Variants in PKD1L3 observed in about 807,000 individuals in gnomAD.
PKD1L3 encodes the protein polycystin-1-like protein 3.
A neutral mutation model predicts 184.1 loss-of-function variants in PKD1L3; 239 were observed. That is an observed-to-expected ratio of 1.30 (90% confidence interval 1.17 to 1.45). The LOEUF (loss-of-function observed/expected upper bound fraction) is 1.45. Among genes scored for constraint, PKD1L3 ranks in the 40% most tolerant of loss-of-function variants. The probability of loss-of-function intolerance (pLI) is 0.00; values close to 1 mark genes in which losing one functional copy is unlikely to be tolerated. For missense variants in PKD1L3, 2,660 were observed against 2,067.2 expected, an observed-to-expected ratio of 1.29 and a Z score of -5.56; for synonymous variants, 996 against 778.8, an observed-to-expected ratio of 1.28 and a Z score of -4.64.
At chr16:71,950,739 T>TC (rs1296332065) in intron 19 of PKD1L3, among the ~76,000 whole-genome samples, 1 of 148,384 alleles carries the variant, frequency 6.7e-6, no homozygotes, top group African/African-American at 2.5e-5. Flanking sequence ...ATTTCTCTCT[T>TC]TTTTTTTTTT....
intron 3 of PKD1L3, among the ~76,000 whole-genome samples, chr16:71,991,472 T>C (rs1395283038): frequency 5.9e-5 from 9 of 152,148 alleles, no homozygotes; most frequent in African/African-American, 2.2e-4. Flanking sequence ...AAAAATACTG[T>C]AGAAAAATTA....
At chr16:71,972,243 AC>A (rs2039741984) in intron 12 of PKD1L3, among the ~76,000 whole-genome samples, 1 of 150,902 alleles carries the variant, frequency 6.6e-6, no homozygotes, top group Admixed American at 6.6e-5. Flanking sequence ...ACAAAAAAAA[AC>A]AATAATTAGC....
At chr16:71,933,774 G>A (rs1344882139) in intron 27 of PKD1L3, 141 bp downstream of exon 27, 2 of 912,900 alleles carry the variant, frequency 2.2e-6, no homozygotes, top group Non-Finnish European at 3.3e-6. Context: ...AGTCATACCA[G>A]TTAAGTGTGG....
At chr16:71,999,662 A>G (rs1185097019) in intron 1 of PKD1L3, 22 bp downstream of exon 1, 4 of 1,472,408 alleles carry the variant, frequency 2.7e-6, no homozygotes, top group Non-Finnish European at 3.6e-6. Flanking sequence ...TCCTTCATAA[A>G]CACTGAACCC....
rs1449476289 is a variant in PKD1L3, at chr16:71,980,125, T to C, written c.1153A>G (p.Ile385Val). 1.9e-6 allele frequency: 3 copies of C among 1,551,606 alleles called. No homozygotes were observed. The highest frequency in any genetic ancestry group is 2.6e-6 in the Non-Finnish European group (3 of 1,146,870). ...AACTCCACCAAGGACATTTCCAGGA[T>C]GTCTTCTACCTGCATGGAAAGGAAA... ...SKRHTEPVED[I>V]LEMSLVEFGN... Residue 385 changes from isoleucine to valine, a missense_variant, in exon 8 of 30, where the codon ATC (isoleucine) becomes GTC (valine). Transcript: ENST00000620267.
intron 13 of PKD1L3, among the ~76,000 whole-genome samples, chr16:71,969,489 T>C (rs1226047710): frequency 1.3e-5 from 2 of 150,238 alleles, no homozygotes; most frequent in Non-Finnish European, 3.0e-5. Flanking sequence ...TTTTTTTTTT[T>C]TTAGTAGAGA....
rs2143799418 is a variant in PKD1L3 at position 71,986,303 on chromosome 16, G to T, written c.752C>A (p.Thr251Lys). 6.4e-7 allele frequency: 1 copy of T among 1,552,192 alleles called. No homozygotes were observed. Among genetic ancestry groups the T allele is most frequent in the African/African-American group, 1.4e-5 (1 of 73,156 alleles). The stretch of plus-strand genomic sequence containing the variant: ...ACCTTCTTCCTTTGGGCTTGAAGTT[G>T]TTTCTGCCAGAGATTGCCCAGCATG... ...VTHAGQSLAE[T>K]TSSPKEEGHP... The change falls in exon 5 of 30, where the codon ACA becomes AAA. Residue 251 changes from threonine (T) to lysine (K), a missense_variant. Thr to Lys is a moderately conservative substitution (Grantham distance 78). Transcript: ENST00000620267.
At position 71,977,466 on chromosome 16, in the gene PKD1L3, A is replaced by C; in HGVS notation, c.1529T>G (p.Ile510Ser). 3 of 1,540,124 alleles carry C rather than the reference A, an allele frequency of 1.9e-6. No individual in the cohort carries two copies. The highest frequency in any genetic ancestry group is 2.4e-5 in the East Asian group (1 of 40,852). ...CAAGCTAACATTTCTCCAGAGCATG[A>C]TCTAGAATAAGAGACAGTTAATCAT... is the stretch of plus-strand genomic sequence containing the variant. ...QVHDLMEDIE[I>S]MLWRNVSLET... The change falls in exon 11 of 30, where the codon ATC becomes AGC. Residue 510 changes from isoleucine to serine, a missense_variant and splice_region_variant. Coordinates refer to ENST00000620267, the MANE Select transcript of PKD1L3 (RefSeq NM_181536.2).
chr16:71,942,452 G>T, intron 24 of PKD1L3, 108 bp downstream of exon 24: 1 of 941,950 alleles, frequency 1.1e-6, no homozygotes, highest in Non-Finnish European at 1.6e-6. Flanking sequence ...TACCTCTCTT[G>T]TACTCTTCCA....
At chr16:71,972,856 G>C (rs373446232) in intron 12 of PKD1L3, among the ~76,000 whole-genome samples, 6 of 152,138 alleles carry the variant, frequency 3.9e-5, no homozygotes, top group Non-Finnish European at 7.3e-5. Flanking sequence ...AAATATAATA[G>C]TGCTGGTTTA....
chr16:71,966,639 T>C (rs967954956), intron 15 of PKD1L3, among the ~76,000 whole-genome samples: 2 of 151,952 alleles, frequency 1.3e-5, no homozygotes, highest in East Asian at 3.9e-4. Flanking sequence ...CCTATGTAGC[T>C]CAGGCTGTTC....
intron 5 of PKD1L3, 39 bp downstream of exon 5, chr16:71,986,182 G>A (rs2040354488): frequency 1.3e-6 from 2 of 1,546,220 alleles, no homozygotes; most frequent in African/African-American, 2.7e-5. Context: ...CTTTTTGGGG[G>A]TCACAAAGCT....
chr16:71,950,198 G>T lies in PKD1L3; in HGVS notation c.3303C>A (p.Phe1101Leu), dbSNP rs1434404901. ...TTTGAAGTTGGCTGGCTGCATCTAG[G>T]AAGTCACAGGACTGGTGACCCTGGG... ...GLTQGHQSCD[F>L]LDAASQLQKL... Residue 1101 changes from phenylalanine (F) to leucine (L), a missense_variant, in exon 20 of 30, where the codon TTC becomes TTA. Coordinates refer to ENST00000620267, the MANE Select transcript of PKD1L3 (RefSeq NM_181536.2). 7.1e-6 allele frequency: 11 copies of T among 1,552,158 alleles called. No individual in the cohort carries two copies. The highest frequency in any genetic ancestry group is 4.1e-5 in the African/African-American group (3 of 73,010).
intron 3 of PKD1L3, chr16:71,991,426 AAAAT>A (rs1159286127): frequency 6.4e-6 from 1 of 156,048 alleles, no homozygotes; most frequent in Non-Finnish European, 1.5e-5. Flanking sequence ...CATTAAAAGA[AAAAT>A]AAACGATATC....
At position 71,987,467 on chromosome 16, in the gene PKD1L3, G is replaced by A. The variant is rs548758274; in HGVS notation, c.586-998C>T. On this transcript the variant is annotated intron_variant, in intron 4 of 29. Coordinates refer to ENST00000620267, the MANE Select transcript of PKD1L3 (RefSeq NM_181536.2). ...CAGCTCACTGCAGCCTCCTCTTCCC[G>A]GTTCAAGCAATTCTCCTGGCTCAGC... Among the ~76,000 whole-genome samples the A allele has an allele frequency of 7.2e-5, 11 of 152,094 alleles. No individual in the cohort carries two copies. In the East Asian group the frequency reaches 9.7e-4, roughly 13 times the overall value.
At chr16:71,946,514 A>G (rs1309207342) in intron 22 of PKD1L3, among the ~76,000 whole-genome samples, 3 of 151,876 alleles carry the variant, frequency 2.0e-5, no homozygotes, top group Non-Finnish European at 4.4e-5. Flanking sequence ...TGTGTTTGTG[A>G]GGTTCATCCA....
At chr16:71,970,433 C>A (rs537107338) in intron 12 of PKD1L3, among the ~76,000 whole-genome samples, 1 of 152,182 alleles carries the variant, frequency 6.6e-6, no homozygotes, top group South Asian at 2.1e-4. Flanking sequence ...AAACAACTTA[C>A]ATGTTCAATA....
At chr16:71,945,329 C>CAT (rs1567498567) in intron 22 of PKD1L3, among the ~76,000 whole-genome samples, 26 of 49,388 alleles carry the variant, frequency 5.3e-4, no homozygotes, top group African/African-American at 2.2e-3. Context: ...CACATATATA[C>CAT]ACACACACAC....
rs1399947618 is a variant in PKD1L3 at position 71,936,355 on chromosome 16, A to G, written c.4453-837T>C. 2.0e-5 allele frequency among the ~76,000 whole-genome samples: 3 copies of G among 151,272 alleles called. No homozygotes were observed. In the South Asian group the frequency reaches 6.2e-4, roughly 32 times the overall value. The stretch of plus-strand genomic sequence containing the variant: ...GTAGCTGGGACTATAGGAGCCCGCC[A>G]CCATGCCCAGCTGATTTTTGTATTT... On this transcript the variant is annotated intron_variant, in intron 25 of 29. Coordinates refer to ENST00000620267, the MANE Select transcript of PKD1L3 (RefSeq NM_181536.2).
Sources: allele counts gnomAD v4.1 joint callset (sites outside exome capture counted in the v4.1 genomes callset), GRCh38; gene constraint gnomAD v4.1.1; transcripts MANE v1.5; gene names NCBI Gene and HGNC (gene_info 2026-07-23, HGNC 2026-07-21).